Variants in FAAH2 observed in about 807,000 individuals in gnomAD.
FAAH2 encodes the protein fatty-acid amide hydrolase 2.
In FAAH2, 60 loss-of-function variants were observed where a neutral mutation model predicts 36.9. That is an observed-to-expected ratio of 1.63 (90% CI 1.32 to 2.02). The LOEUF (loss-of-function observed/expected upper bound fraction) is 2.02, where lower values mean the gene tolerates loss of function less well. Among genes scored for constraint, FAAH2 ranks in the 30% most tolerant of loss-of-function variants. The pLI is 0.00. For missense variants in FAAH2, 689 were observed against 397.5 expected (o/e 1.73, Z -6.23); for synonymous variants, 214 against 143.8 (o/e 1.49, Z -3.49).
Position 57,420,946 on chromosome X carries a change from G to T in FAAH2, c.997-10972G>T, listed in dbSNP as rs184392622. On this transcript the variant is annotated intron_variant, in intron 7 of 10. Coordinates refer to ENST00000374900, the MANE Select transcript of FAAH2 (RefSeq NM_174912.4). ...TTAGCATGAAGGGTTGTTGAATTTT[G>T]TCAAAGGCCTTTTCTGCATCTATTG... Among the ~76,000 whole-genome samples the T allele has an allele frequency of 5.1e-4, 57 of 112,185 alleles. No individual in the cohort carries two copies. In the East Asian group the frequency reaches 0.014, roughly 27 times the overall value.
At chrX:57,413,732 T>G in intron 7 of FAAH2, among the ~76,000 whole-genome samples, 1 of 112,108 alleles carries the variant, frequency 8.9e-6, no homozygotes, top group East Asian at 2.8e-4. Flanking sequence ...TAAAATATTT[T>G]CTAACTCTGT....
intron 5 of FAAH2, among the ~76,000 whole-genome samples, chrX:57,353,410 CTA>C (rs2054077062): frequency 9.7e-6 from 1 of 103,273 alleles, no homozygotes; most frequent in African/African-American, 3.5e-5. Flanking sequence ...AAGAATGAAA[CTA>C]GACTACTTTA....
the FAAH2 span, among the ~76,000 whole-genome samples, chrX:57,183,221 T>A: frequency 2.7e-5 from 3 of 111,546 alleles, no homozygotes; most frequent in Non-Finnish European, 5.7e-5. Context: ...AATAAAATTT[T>A]AAAAAATCTT....
chrX:57,483,094 G>A (rs1022624275), intron 10 of FAAH2, among the ~76,000 whole-genome samples: 3 of 111,505 alleles, frequency 2.7e-5, no homozygotes, highest in Admixed American at 9.5e-5. Flanking sequence ...ATTTCCTCAC[G>A]TATGTTTTCA....
intron 7 of FAAH2, among the ~76,000 whole-genome samples, chrX:57,383,837 T>A (rs1280472377): frequency 8.9e-6 from 1 of 111,884 alleles, no homozygotes; most frequent in African/African-American, 3.3e-5. Flanking sequence ...GAAGTTCATA[T>A]GGAACCAAAA....
chrX:57,431,426 C>G (rs1317551353), intron 7 of FAAH2, among the ~76,000 whole-genome samples: 1 of 111,854 alleles, frequency 8.9e-6, no homozygotes. Flanking sequence ...CACCACTGCT[C>G]TAAGCATTTT....
chrX:57,405,248 A>C, intron 7 of FAAH2, among the ~76,000 whole-genome samples: 1 of 111,377 alleles, frequency 9.0e-6, no homozygotes, highest in African/African-American at 3.3e-5. Flanking sequence ...GTGGCGGGCC[A>C]CTTCAAAGAT....
the FAAH2 span, among the ~76,000 whole-genome samples, chrX:57,208,160 A>T: frequency 8.9e-6 from 1 of 112,369 alleles, no homozygotes; most frequent in East Asian, 2.8e-4. Flanking sequence ...ACTTTCACCC[A>T]GTATTCTCCG....
chrX:57,459,689 G>T (rs2056923952), intron 10 of FAAH2, among the ~76,000 whole-genome samples: 1 of 112,248 alleles, frequency 8.9e-6, no homozygotes, highest in Non-Finnish European at 1.9e-5. Context: ...CTCTGCTGGT[G>T]ATACCCAGAC....
At chrX:57,267,651 T>A in the FAAH2 span, among the ~76,000 whole-genome samples, 1 of 111,725 alleles carries the variant, frequency 9.0e-6, no homozygotes. Flanking sequence ...CCCAGTGCAG[T>A]AGACTCCAAA....
chrX:57,300,592 A>T (rs1238280989), intron 2 of FAAH2, among the ~76,000 whole-genome samples: 1 of 111,985 alleles, frequency 8.9e-6, no homozygotes, highest in Non-Finnish European at 1.9e-5. Flanking sequence ...TAGCAACAAA[A>T]GCCAAAATTG....
rs1345663893 is a variant in FAAH2 at position 57,321,159 on chromosome X, G to C, written c.412+10430G>C. Among the ~76,000 whole-genome samples the C allele has an allele frequency of 5.5e-5, 6 of 110,082 alleles. No homozygotes were observed. The South Asian group carries it at 2.3e-3, about 43-fold the overall frequency. ...CATCTCAAAAAAAAAAAGAAAACCGGATGAATGCATGTCCTTTGCAGGGAC... is the reference window on the plus strand; with the variant it reads ...CATCTCAAAAAAAAAAAGAAAACCGCATGAATGCATGTCCTTTGCAGGGAC... On this transcript the variant is annotated intron_variant, in intron 3 of 10. Coordinates refer to ENST00000374900, the MANE Select transcript of FAAH2 (RefSeq NM_174912.4).
At chrX:57,330,817 G>T (rs1320141028) in intron 3 of FAAH2, among the ~76,000 whole-genome samples, 1 of 111,159 alleles carries the variant, frequency 9.0e-6, no homozygotes, top group East Asian at 2.8e-4. Flanking sequence ...CCAATAGGAG[G>T]GTATGGGCTA....
intron 7 of FAAH2, among the ~76,000 whole-genome samples, chrX:57,399,994 G>A (rs189852781): frequency 6.3e-5 from 7 of 111,662 alleles, no homozygotes; most frequent in Non-Finnish European, 1.3e-4. Context: ...ATTTGAGGTC[G>A]GAATCAGTCA....
At chrX:57,359,880 C>T (rs1456028687) in intron 5 of FAAH2, among the ~76,000 whole-genome samples, 1 of 110,937 alleles carries the variant, frequency 9.0e-6, no homozygotes, top group Non-Finnish European at 1.9e-5. Flanking sequence ...GATGAAAAAC[C>T]TCAGTTTATG....
chrX:57,201,759 T>C, the FAAH2 span, among the ~76,000 whole-genome samples: 1 of 111,677 alleles, frequency 9.0e-6, no homozygotes, highest in African/African-American at 3.2e-5. Flanking sequence ...GTACCTTCTC[T>C]ATAAGACCAG....
chrX:57,486,320 A>C (rs1025651264), intron 10 of FAAH2, among the ~76,000 whole-genome samples: 3 of 111,429 alleles, frequency 2.7e-5, no homozygotes, highest in Non-Finnish European at 5.6e-5. Flanking sequence ...ATTAAGTGTT[A>C]GTGGGATTGT....
chrX:57,150,273 G>T, the FAAH2 span, among the ~76,000 whole-genome samples: 2 of 111,739 alleles, frequency 1.8e-5, no homozygotes, highest in African/African-American at 3.3e-5. Flanking sequence ...GTGTCTATTA[G>T]GTGCACTTGG....
the FAAH2 span, chrX:57,121,798 G>A: frequency 8.9e-6 from 1 of 112,577 alleles, no homozygotes; most frequent in Non-Finnish European, 1.9e-5. Context: ...TAGTCTGCCT[G>A]CCCTGCTTTC....
Sources: gnomAD v4.1 joint callset for allele counts (sites outside exome capture counted in the v4.1 genomes callset) on GRCh38, gnomAD v4.1.1 for gene constraint, MANE v1.5 for transcripts, NCBI Gene and HGNC (gene_info 2026-07-23, HGNC 2026-07-21) for gene names.